The following DLGAP2 variants were observed in gnomAD, a reference collection of about 807,000 sequenced individuals.
DLGAP2 encodes DLG associated protein 2.
Under a neutral mutation model 100.3 loss-of-function variants are expected in DLGAP2, and 26 were observed. The observed-to-expected ratio is 0.26, with a 90% CI of 0.19 to 0.36. The LOEUF (loss-of-function observed/expected upper bound fraction) is 0.36. Among genes scored for constraint, DLGAP2 ranks in the 10% least tolerant of loss-of-function variants. The pLI, the probability that DLGAP2 is intolerant of heterozygous loss-of-function variation, is 1.00. For missense variants in DLGAP2, 1,858 were observed against 1,453.2 expected (o/e 1.28, Z -4.53); for synonymous variants, 886 against 630.1 (o/e 1.41, Z -6.08).
chr8:1,309,868 G>C (rs1250131179), intron 3 of DLGAP2, among the ~76,000 whole-genome samples: 2 of 152,228 alleles, frequency 1.3e-5, no homozygotes, highest in Non-Finnish European at 2.9e-5. Flanking sequence ...GCCAAGGCGG[G>C]CAGATTTCTT....
chr8:1,209,431 T>C (rs1798060102), intron 2 of DLGAP2, among the ~76,000 whole-genome samples: 1 of 152,238 alleles, frequency 6.6e-6, no homozygotes, highest in Non-Finnish European at 1.5e-5. Context: ...ATCAGATTTG[T>C]GATATATCAT....
rs113885366 is a variant in DLGAP2 at position 1,164,112 on chromosome 8, G to GC, written c.74-94736dup. Among the ~76,000 whole-genome samples the GC allele has an allele frequency of 6.7e-3, 201 of 29,934 alleles. 38 individuals are homozygous for GC. The highest frequency in any genetic ancestry group is 0.01 in the South Asian group (11 of 1,066). 19.6% of individuals were successfully genotyped at this position (29,934 alleles called of 152,430 possible). The stretch of plus-strand genomic sequence containing the variant: ...GTGCTGGGGACAGATTTTTCTGTGA[G>GC]CCCGCAGGGCCCGTCATTTTGGTTT... On this transcript the variant is annotated intron_variant, in intron 2 of 14. Coordinates refer to ENST00000637795, the MANE Select transcript of DLGAP2 (RefSeq NM_001346810.2).
intron 3 of DLGAP2, among the ~76,000 whole-genome samples, chr8:1,472,799 A>C (rs183579112): frequency 6.6e-6 from 1 of 152,368 alleles, no homozygotes; most frequent in Non-Finnish European, 1.5e-5. Context: ...CATAAAATGC[A>C]AAACAGAGTA....
chr8:1,121,892 G>A (rs1796058751), intron 2 of DLGAP2, among the ~76,000 whole-genome samples: 2 of 152,196 alleles, frequency 1.3e-5, no homozygotes, highest in African/African-American at 2.4e-5. Context: ...GCATCCATGA[G>A]CATCTGTCCT....
At chr8:759,550 G>T (rs1203879932) in intron 1 of DLGAP2, among the ~76,000 whole-genome samples, 2 of 151,554 alleles carry the variant, frequency 1.3e-5, no homozygotes, top group Admixed American at 1.3e-4. Context: ...GTGTGCACAG[G>T]TGTGTGTCCA....
At chr8:1,536,841 C>T (rs764588059) in intron 4 of DLGAP2, among the ~76,000 whole-genome samples, 2 of 152,218 alleles carry the variant, frequency 1.3e-5, no homozygotes, top group Non-Finnish European at 2.9e-5. Context: ...ACTAATTCCT[C>T]CCTGTAGGAG....
chr8:1,191,313 G>C (rs1258233052), intron 2 of DLGAP2, among the ~76,000 whole-genome samples: 4 of 151,692 alleles, frequency 2.6e-5, no homozygotes, highest in Non-Finnish European at 4.4e-5. Flanking sequence ...TGGGACTACA[G>C]GCACCCGCCA....
intron 2 of DLGAP2, among the ~76,000 whole-genome samples, chr8:1,068,798 CCAGGGAGA>C (rs973067157): frequency 2.4e-4 from 36 of 151,842 alleles, no homozygotes; most frequent in African/African-American, 8.0e-4. Flanking sequence ...GTGAGTGTTC[CCAGGGAGA>C]CCTCGTGGGG....
chr8:1,664,438 C>G lies in DLGAP2; in HGVS notation c.1811-3891C>G, dbSNP rs190391875. On this transcript the variant is annotated intron_variant, in intron 8 of 14. Transcript: ENST00000637795. ...GCATCCCTAGTCTCTGATGCTGCAC[C>G]CTTGGTTCTCAGGACGGCCTTTTCA... 2.4e-3 allele frequency among the ~76,000 whole-genome samples: 366 copies of G among 152,296 alleles called. 3 individuals are homozygous for G. The highest frequency in any genetic ancestry group is 9.3e-3 in the South Asian group (45 of 4,820).
At chr8:1,172,736 A>C (rs1379160320) in intron 2 of DLGAP2, among the ~76,000 whole-genome samples, 4 of 151,946 alleles carry the variant, frequency 2.6e-5, no homozygotes, top group Admixed American at 2.6e-4. Flanking sequence ...CAGCTCCATC[A>C]GCTCCTTTAA....
At chr8:1,468,182 C>T (rs1798677739) in intron 3 of DLGAP2, among the ~76,000 whole-genome samples, 1 of 152,194 alleles carries the variant, frequency 6.6e-6, no homozygotes, top group African/African-American at 2.4e-5. Context: ...AGAACCTCCC[C>T]AGTTCACACA....
intron 2 of DLGAP2, among the ~76,000 whole-genome samples, chr8:1,124,503 T>G (rs1420146009): frequency 6.6e-5 from 10 of 152,226 alleles, no homozygotes; most frequent in Admixed American, 6.5e-4. Flanking sequence ...GTTTCTATTT[T>G]TATTACTCAT....
At chr8:1,099,109 A>G (rs1052718746) in intron 2 of DLGAP2, among the ~76,000 whole-genome samples, 10 of 152,202 alleles carry the variant, frequency 6.6e-5, no homozygotes, top group African/African-American at 2.2e-4. Context: ...ATTTACTAAA[A>G]TAACCCCAGT....
chr8:1,519,076 A>T (rs1800497968), intron 4 of DLGAP2, among the ~76,000 whole-genome samples: 1 of 152,162 alleles, frequency 6.6e-6, no homozygotes, highest in Non-Finnish European at 1.5e-5. Flanking sequence ...GCCGTGAAGG[A>T]GCTGGCAGTC....
intron 4 of DLGAP2, among the ~76,000 whole-genome samples, chr8:1,515,585 T>C (rs949319190): frequency 3.3e-5 from 5 of 151,954 alleles, no homozygotes; most frequent in African/African-American, 9.7e-5. Context: ...ATTGCAGACA[T>C]GCAAAAATAT....
intron 2 of DLGAP2, among the ~76,000 whole-genome samples, chr8:1,237,494 C>A (rs1237402406): frequency 7.1e-6 from 1 of 140,822 alleles, no homozygotes; most frequent in Admixed American, 7.0e-5. Flanking sequence ...CTCTCTCACA[C>A]ATAGCGTCAT....
At chr8:1,669,573 C>G (rs946917769) in intron 9 of DLGAP2, among the ~76,000 whole-genome samples, 170 bp from the exon 10 acceptor site, 2 of 152,222 alleles carry the variant, frequency 1.3e-5, no homozygotes, top group African/African-American at 2.4e-5. Flanking sequence ...CAGTCAGATT[C>G]TTGATTGCCG....
intron 4 of DLGAP2, among the ~76,000 whole-genome samples, chr8:1,539,174 C>G (rs776782189): frequency 1.3e-5 from 2 of 152,178 alleles, no homozygotes; most frequent in Non-Finnish European, 2.9e-5. Flanking sequence ...GCATGAGCCA[C>G]GGCACCTGGC....
At chr8:1,575,084 A>G (rs1295232113) in intron 6 of DLGAP2, among the ~76,000 whole-genome samples, 1 of 152,182 alleles carries the variant, frequency 6.6e-6, no homozygotes, top group Non-Finnish European at 1.5e-5. Context: ...GACTATGAAC[A>G]ATACAAAAAA....
Sources: allele counts gnomAD v4.1 joint callset (sites outside exome capture counted in the v4.1 genomes callset), GRCh38; gene constraint gnomAD v4.1.1; transcripts MANE v1.5; gene names NCBI Gene and HGNC (gene_info 2026-07-23, HGNC 2026-07-21).